Variants in SDCCAG8 observed in about 807,000 individuals in gnomAD.
The protein encoded by SDCCAG8 is SHH signaling and ciliogenesis regulator SDCCAG8, also known as serologically defined colon cancer antigen 8.
Under a neutral mutation model 101.8 loss-of-function variants are expected in SDCCAG8, and 74 were observed. The ratio of observed to expected loss-of-function variants is 0.73; its 90% confidence interval spans 0.60 to 0.88. The LOEUF is 0.88. Among genes scored for constraint, SDCCAG8 ranks in the 40% least tolerant of loss-of-function variants. The pLI, the probability that SDCCAG8 is intolerant of heterozygous loss-of-function variation, is 0.00. For missense variants in SDCCAG8, 787 were observed against 822.6 expected, an observed-to-expected ratio of 0.96 and a Z score of 0.53; for synonymous variants, 281 against 292.9, an observed-to-expected ratio of 0.96 and a Z score of 0.41.
At chr1:243,294,465 C>A (rs991462381) in intron 6 of SDCCAG8, among the ~76,000 whole-genome samples, 1 of 61,468 alleles carries the variant, frequency 1.6e-5, no homozygotes, top group Non-Finnish European at 4.5e-5. Context: ...TCCACTCCCC[C>A]CAAAAGGTGG....
At chr1:243,336,929 T>C (rs1338658687) in intron 10 of SDCCAG8, among the ~76,000 whole-genome samples, 4 of 152,148 alleles carry the variant, frequency 2.6e-5, no homozygotes, top group African/African-American at 4.8e-5. Flanking sequence ...TGTGGGTACT[T>C]TCTCCCATTC....
chr1:243,432,351 G>T (rs772695065), intron 16 of SDCCAG8, among the ~76,000 whole-genome samples: 1 of 152,090 alleles, frequency 6.6e-6, no homozygotes, highest in Non-Finnish European at 1.5e-5. Flanking sequence ...ATACTTAGAG[G>T]GGAACAGAAG....
chr1:243,267,258 A>G (rs2067691103), intron 1 of SDCCAG8: 1 of 195,568 alleles, frequency 5.1e-6, no homozygotes, highest in Non-Finnish European at 1.0e-5. Context: ...AAAAAAAAAG[A>G]AATATACATG....
intron 16 of SDCCAG8, among the ~76,000 whole-genome samples, chr1:243,446,132 C>G (rs1043505747): frequency 6.6e-6 from 1 of 152,176 alleles, no homozygotes; most frequent in Admixed American, 6.5e-5. Context: ...GTTGGGTGAT[C>G]AGGGTAAGTG....
At chr1:243,405,789 T>G (rs2079738524) in intron 13 of SDCCAG8, among the ~76,000 whole-genome samples, 1 of 151,728 alleles carries the variant, frequency 6.6e-6, no homozygotes, top group South Asian at 2.1e-4. Flanking sequence ...ACTTATGAGA[T>G]AAAATATAAT....
chr1:243,335,383 A>G (rs532490900), intron 10 of SDCCAG8, among the ~76,000 whole-genome samples: 1 of 152,250 alleles, frequency 6.6e-6, no homozygotes, highest in East Asian at 1.9e-4. Context: ...AACACCAGCT[A>G]TTGTTCACGC....
At chr1:243,343,467 A>T (rs1376153964) in intron 11 of SDCCAG8, among the ~76,000 whole-genome samples, 1 of 152,242 alleles carries the variant, frequency 6.6e-6, no homozygotes, top group African/African-American at 2.4e-5. Flanking sequence ...CAAAGTTCTT[A>T]GTGTTAAGTA....
At chr1:243,377,331 TA>T (rs1454751650) in intron 12 of SDCCAG8, among the ~76,000 whole-genome samples, 2 of 152,026 alleles carry the variant, frequency 1.3e-5, no homozygotes, top group Non-Finnish European at 2.9e-5. Context: ...TAGTCTTTAT[TA>T]TTTTTATCTC....
chr1:243,273,155 G>A (rs981127391), intron 3 of SDCCAG8, among the ~76,000 whole-genome samples: 2 of 151,976 alleles, frequency 1.3e-5, no homozygotes, highest in African/African-American at 4.8e-5. Flanking sequence ...AGTTACTTTG[G>A]TTTTTAAATT....
intron 13 of SDCCAG8, among the ~76,000 whole-genome samples, chr1:243,414,890 C>T (rs909973439): frequency 2.0e-5 from 3 of 151,458 alleles, no homozygotes; most frequent in African/African-American, 7.3e-5. Flanking sequence ...TGTACATGCA[C>T]ACACACACTG....
intron 12 of SDCCAG8, among the ~76,000 whole-genome samples, chr1:243,349,832 CTT>C (rs563873668): frequency 1.7e-4 from 24 of 140,746 alleles, no homozygotes; most frequent in Non-Finnish European, 1.9e-4. Context: ...AAGCGTCTTT[CTT>C]TTTTTTTTTT....
chr1:243,438,459 G>GA (rs894541945), intron 16 of SDCCAG8, among the ~76,000 whole-genome samples: 1 of 151,998 alleles, frequency 6.6e-6, no homozygotes, highest in Non-Finnish European at 1.5e-5. Flanking sequence ...ATTGGCTCAA[G>GA]AAAAAATATG....
At chr1:243,291,947 A>G (rs1333554593) in intron 5 of SDCCAG8, among the ~76,000 whole-genome samples, 1 of 152,200 alleles carries the variant, frequency 6.6e-6, no homozygotes, top group Non-Finnish European at 1.5e-5. Context: ...ATAATTTGCT[A>G]TAATGGCTCA....
chr1:243,387,989 T>C (rs1332713140), intron 13 of SDCCAG8, among the ~76,000 whole-genome samples: 4 of 152,222 alleles, frequency 2.6e-5, no homozygotes, highest in Non-Finnish European at 5.9e-5. Context: ...GTGCTAGGAT[T>C]ACAGGTGTGA....
chr1:243,412,293 T>G (rs2080237835), intron 13 of SDCCAG8, among the ~76,000 whole-genome samples: 1 of 152,182 alleles, frequency 6.6e-6, no homozygotes, highest in Non-Finnish European at 1.5e-5. Context: ...GTGTCTGATC[T>G]TTTGGCTTCC....
intron 12 of SDCCAG8, among the ~76,000 whole-genome samples, 168 bp from the exon 13 acceptor site, chr1:243,378,553 G>A (rs2077737743): frequency 6.6e-6 from 1 of 152,080 alleles, no homozygotes; most frequent in South Asian, 2.1e-4. Context: ...TCATTCATGT[G>A]CATTTTTGGA....
rs566417020 is a variant in SDCCAG8 at position 243,291,481 on chromosome 1, C to T, written c.547-1610C>T. Among the ~76,000 whole-genome samples, 347 of 152,304 alleles carry T rather than the reference C, an allele frequency of 2.3e-3. 1 individual carries two copies. The highest frequency in any genetic ancestry group is 8.2e-3 in the African/African-American group (340 of 41,570). ...GTGGCTGCTTCCTTTGGATGGTACA[C>T]ATTTCTGTGGTTTGTCACAGAGCCT... On this transcript the variant is annotated intron_variant, in intron 5 of 17. Transcript: ENST00000366541.
At chr1:243,486,545 G>A (rs1236508073) in intron 16 of SDCCAG8, among the ~76,000 whole-genome samples, 1 of 152,228 alleles carries the variant, frequency 6.6e-6, no homozygotes, top group Non-Finnish European at 1.5e-5. Flanking sequence ...CCTCCTCCAG[G>A]TTCTGAGGGC....
At chr1:243,274,977 A>G (rs1396104336) in intron 4 of SDCCAG8, among the ~76,000 whole-genome samples, 2 of 152,236 alleles carry the variant, frequency 1.3e-5, no homozygotes, top group African/African-American at 4.8e-5. Flanking sequence ...GCTTTGGAAT[A>G]CAAATACCAA....
Sources: gnomAD v4.1 joint callset for allele counts (sites outside exome capture counted in the v4.1 genomes callset) on GRCh38, gnomAD v4.1.1 for gene constraint, MANE v1.5 for transcripts, NCBI Gene and HGNC (gene_info 2026-07-23, HGNC 2026-07-21) for gene names.